The following VWC2 variants were observed in gnomAD, a reference collection of about 807,000 sequenced individuals.
The protein encoded by VWC2 is brorin.
In VWC2, 14 loss-of-function variants were observed where a neutral mutation model predicts 29.8. That is an observed-to-expected ratio of 0.47 (90% confidence interval 0.31 to 0.74). The LOEUF is 0.74. VWC2 is among the 30% of genes least tolerant of loss of function. VWC2 has a pLI of 0.05. For synonymous variants in VWC2, 213 were observed against 199.0 expected (o/e 1.07, Z -0.59); for missense variants, 457 against 459.8 (o/e 0.99, Z 0.05).
intron 3 of VWC2, among the ~76,000 whole-genome samples, chr7:49,904,594 A>G (rs1792977419): frequency 6.6e-6 from 1 of 152,156 alleles, no homozygotes; most frequent in East Asian, 1.9e-4. Context: ...AAAAATCCAA[A>G]TTTACATTTT....
At chr7:49,778,259 T>C (rs73692982) in intron 2 of VWC2, among the ~76,000 whole-genome samples, 3,125 of 152,150 alleles carry the variant, frequency 0.021, 99 homozygotes, top group African/African-American at 0.071. Context: ...GGATGGGAGA[T>C]GATATTGACA....
chr7:49,801,552 G>C (rs1562710758), intron 2 of VWC2, among the ~76,000 whole-genome samples: 1 of 152,252 alleles, frequency 6.6e-6, no homozygotes, highest in East Asian at 1.9e-4. Flanking sequence ...CTTGGGAATG[G>C]CTGGTATGCT....
At chr7:49,804,763 CTCTT>C (rs1788834538) in intron 3 of VWC2, among the ~76,000 whole-genome samples, 1 of 152,090 alleles carries the variant, frequency 6.6e-6, no homozygotes, top group African/African-American at 2.4e-5. Flanking sequence ...TTTGCTTTGT[CTCTT>C]TCTTTGGCCC....
At chr7:49,789,610 A>C (rs1055507517) in intron 2 of VWC2, among the ~76,000 whole-genome samples, 1 of 137,660 alleles carries the variant, frequency 7.3e-6, no homozygotes, top group Non-Finnish European at 1.5e-5. Flanking sequence ...ATGAAGTAAA[A>C]ATTAAGCTCT....
At position 49,917,427 on chromosome 7, in the gene VWC2, C is replaced by G. The variant is rs1452987370; in HGVS notation, c.*5242C>G. On this transcript the variant is annotated 3_prime_UTR_variant, in exon 4 of 4. Coordinates refer to ENST00000340652, the MANE Select transcript of VWC2 (RefSeq NM_198570.5). ...TAGGAAACTTAAATGAAAATGTGCT[C>G]TCAGTGCTTGGCCCATGAGCAGTTT... 1.3e-5 allele frequency: 2 copies of G among 152,170 alleles called. No homozygotes were observed. Among genetic ancestry groups the G allele is most frequent in the Non-Finnish European group, 2.9e-5 (2 of 68,022 alleles). 9.4% of individuals were successfully genotyped at this position (152,170 alleles called of 1,614,324 possible). A position where few individuals can be genotyped will look rare whatever the true frequency, so the allele number is the denominator to read the frequency against.
Position 49,915,289 on chromosome 7 carries a change from G to A in VWC2, c.*3104G>A, listed in dbSNP as rs967933056. ...ATGTTGCAGCTAGTGCAGATGGAGAGGCACAGTGTCCTTGACATCAAGGGG... is the reference window on the plus strand; with the variant it reads ...ATGTTGCAGCTAGTGCAGATGGAGAAGCACAGTGTCCTTGACATCAAGGGG... On this transcript the variant is annotated 3_prime_UTR_variant, in exon 4 of 4. Coordinates refer to ENST00000340652, the MANE Select transcript of VWC2 (RefSeq NM_198570.5). 12 of 152,186 alleles carry A rather than the reference G, an allele frequency of 7.9e-5. No individual in the cohort carries two copies. The highest frequency in any genetic ancestry group is 2.9e-4 in the African/African-American group (12 of 41,442). The allele number at this position is 152,186 out of a possible 1,614,324, so 9.4% of individuals were successfully genotyped here.
intron 3 of VWC2, among the ~76,000 whole-genome samples, chr7:49,887,141 A>G (rs1791938866): frequency 6.6e-6 from 1 of 152,210 alleles, no homozygotes; most frequent in Admixed American, 6.5e-5. Context: ...TTTTAACTTC[A>G]GGGATGCTTT....
intron 3 of VWC2, among the ~76,000 whole-genome samples, chr7:49,804,419 C>T (rs1343967798): frequency 1.3e-5 from 2 of 151,954 alleles, no homozygotes; most frequent in African/African-American, 2.4e-5. Context: ...AGGCCATGTG[C>T]CCTGCATGTC....
intron 3 of VWC2, among the ~76,000 whole-genome samples, chr7:49,888,775 G>T (rs1383934769): frequency 6.6e-6 from 1 of 152,178 alleles, no homozygotes; most frequent in African/African-American, 2.4e-5. Context: ...GCCAGGCGTG[G>T]TGGCAGGCGC....
chr7:49,813,793 A>G (rs1789067485), intron 3 of VWC2, among the ~76,000 whole-genome samples: 2 of 152,190 alleles, frequency 1.3e-5, no homozygotes, highest in Admixed American at 1.3e-4. Context: ...TACACTCTCT[A>G]TCATCATATA....
chr7:49,775,472 T>A lies in VWC2; in HGVS notation c.37T>A (p.Ser13Thr). ...CACTGCGATGGCAGTTGGCGCGCTC[T>A]CCAGTTCCCTCCTGGTCACCTGCTG... ...SSTAMAVGAL[S>T]SSLLVTCCLM... The change falls in exon 2 of 4, where the codon TCC becomes ACC. Residue 13 changes from serine (S) to threonine (T), a missense_variant. Ser to Thr is a moderately conservative substitution (Grantham distance 58, BLOSUM62 1). Coordinates refer to ENST00000340652, the MANE Select transcript of VWC2 (RefSeq NM_198570.5). 6.6e-7 allele frequency: 1 copy of A among 1,512,364 alleles called. No homozygotes were observed. The highest frequency in any genetic ancestry group is 2.0e-5 in the Admixed American group (1 of 50,266). 93.7% of individuals were successfully genotyped at this position (1,512,364 alleles called of 1,614,324 possible).
At chr7:49,901,894 G>A (rs1226333815) in intron 3 of VWC2, among the ~76,000 whole-genome samples, 1 of 151,896 alleles carries the variant, frequency 6.6e-6, no homozygotes, top group Non-Finnish European at 1.5e-5. Flanking sequence ...AACACTGTTA[G>A]CTAACACTGT....
At chr7:49,776,830 A>G (rs542202039) in intron 2 of VWC2, among the ~76,000 whole-genome samples, 3 of 152,330 alleles carry the variant, frequency 2.0e-5, no homozygotes, top group Admixed American at 1.3e-4. Context: ...GAGGTGGATT[A>G]TTATCCATTG....
At chr7:49,846,062 G>A (rs1311028084) in intron 3 of VWC2, among the ~76,000 whole-genome samples, 1 of 152,168 alleles carries the variant, frequency 6.6e-6, no homozygotes, top group Non-Finnish European at 1.5e-5. Flanking sequence ...ATTTCAGGCA[G>A]CTTCAAAAAT....
chr7:49,803,709 C>CTGTGTGGCATGGGTTTGG (rs946744838), intron 3 of VWC2, among the ~76,000 whole-genome samples: 2 of 152,084 alleles, frequency 1.3e-5, no homozygotes, highest in African/African-American at 2.4e-5. Flanking sequence ...GGCTTGATAG[C>CTGTGTGGCATGGGTTTGG]TGTGTGGCAT....
chr7:49,853,942 C>T (rs1286709980), intron 3 of VWC2, among the ~76,000 whole-genome samples: 4 of 149,484 alleles, frequency 2.7e-5, no homozygotes, highest in African/African-American at 9.9e-5. Flanking sequence ...TCAATTCCCA[C>T]CTATGAGTGA....
At chr7:49,821,993 TA>T (rs1441624838) in intron 3 of VWC2, among the ~76,000 whole-genome samples, 1 of 152,164 alleles carries the variant, frequency 6.6e-6, no homozygotes, top group Non-Finnish European at 1.5e-5. Flanking sequence ...TTTATGAATA[TA>T]AAAAAATTCT....
At chr7:49,896,842 A>G (rs1364163235) in intron 3 of VWC2, among the ~76,000 whole-genome samples, 1 of 152,072 alleles carries the variant, frequency 6.6e-6, no homozygotes, top group Non-Finnish European at 1.5e-5. Context: ...TCAATATGAA[A>G]TAATTCGCTT....
At chr7:49,797,768 T>C (rs935920113) in intron 2 of VWC2, among the ~76,000 whole-genome samples, 1 of 152,216 alleles carries the variant, frequency 6.6e-6, no homozygotes, top group African/African-American at 2.4e-5. Flanking sequence ...CCATGTTCTT[T>C]GGATCCAACA....
Sources: allele counts gnomAD v4.1 joint callset (sites outside exome capture counted in the v4.1 genomes callset), GRCh38; gene constraint gnomAD v4.1.1; transcripts MANE v1.5; gene names NCBI Gene and HGNC (gene_info 2026-07-23, HGNC 2026-07-21).